ALCAM: variants seen among roughly 807,000 people sequenced by gnomAD.
ALCAM encodes activated leukocyte cell adhesion molecule.
ALCAM carries 30 observed loss-of-function variants against 70.9 expected under a neutral mutation model. The ratio of observed to expected loss-of-function variants is 0.42; its 90% CI spans 0.32 to 0.57. The LOEUF is 0.57. Ranked by LOEUF, ALCAM falls within the 20% of genes least tolerant of loss-of-function variation. The pLI is 0.11. For missense variants in ALCAM, 591 were observed against 695.1 expected, an observed-to-expected ratio of 0.85 and a Z score of 1.68; for synonymous variants, 249 against 242.5, an observed-to-expected ratio of 1.03 and a Z score of -0.25.
At chr3:105,556,812 A>C in intron 14 of ALCAM, among the ~76,000 whole-genome samples, 1 of 152,086 alleles carries the variant, frequency 6.6e-6, no homozygotes, top group East Asian at 1.9e-4. Context: ...TCCTCACTGA[A>C]TAAATTGAAA....
intron 1 of ALCAM, among the ~76,000 whole-genome samples, chr3:105,490,395 C>T (rs770162173): frequency 2.6e-5 from 4 of 152,088 alleles, no homozygotes; most frequent in Non-Finnish European, 4.4e-5. Flanking sequence ...TCCTTTGTAC[C>T]GCCGAATCCT....
At chr3:105,443,282 A>G (rs1292694139) in intron 1 of ALCAM, among the ~76,000 whole-genome samples, 2 of 152,158 alleles carry the variant, frequency 1.3e-5, no homozygotes, top group Non-Finnish European at 2.9e-5. Flanking sequence ...GCTAAATTAT[A>G]TATTTTTTCT....
At chr3:105,515,333 A>G (rs1939354405) in intron 1 of ALCAM, among the ~76,000 whole-genome samples, 1 of 152,050 alleles carries the variant, frequency 6.6e-6, no homozygotes, top group Admixed American at 6.6e-5. Flanking sequence ...GTGATTTAAT[A>G]TGTTTCTGTG....
chr3:105,382,955 T>G (rs1442015996), intron 1 of ALCAM, among the ~76,000 whole-genome samples: 1 of 151,870 alleles, frequency 6.6e-6, no homozygotes, highest in Non-Finnish European at 1.5e-5. Context: ...AAGTTTTTCT[T>G]ACATTTCTCA....
At chr3:105,526,131 C>T (rs904473537) in intron 3 of ALCAM, among the ~76,000 whole-genome samples, 2 of 152,032 alleles carry the variant, frequency 1.3e-5, no homozygotes, top group Non-Finnish European at 2.9e-5. Flanking sequence ...AGTCACAGCA[C>T]TCTAATGGTT....
At chr3:105,384,456 C>T (rs1457327575) in intron 1 of ALCAM, among the ~76,000 whole-genome samples, 1 of 151,126 alleles carries the variant, frequency 6.6e-6, no homozygotes, top group African/African-American at 2.4e-5. Flanking sequence ...ACTTTTGATC[C>T]TTCCCAGTCC....
At chr3:105,389,382 T>TG (rs1935746374) in intron 1 of ALCAM, among the ~76,000 whole-genome samples, 2 of 130,948 alleles carry the variant, frequency 1.5e-5, no homozygotes, top group South Asian at 2.6e-4. Flanking sequence ...TTTTTTTTTT[T>TG]TTTTTTTTTT....
intron 1 of ALCAM, among the ~76,000 whole-genome samples, chr3:105,408,200 A>C (rs1216406109): frequency 3.9e-5 from 3 of 77,154 alleles, no homozygotes; most frequent in Admixed American, 1.7e-4. Flanking sequence ...TCACAGAACT[A>C]GAAAAAAAAA....
chr3:105,490,962 T>C lies in ALCAM; in HGVS notation c.74-29105T>C, dbSNP rs1938567897. ...TGGAGTTCCAACTCCACATTTCCCT[T>C]CTGCACTGCCCTCGCAGAGGTTCTC... On this transcript the variant is annotated intron_variant, in intron 1 of 15. Coordinates refer to ENST00000306107, the MANE Select transcript of ALCAM (RefSeq NM_001627.4). 2.0e-5 allele frequency among the ~76,000 whole-genome samples: 3 copies of C among 152,204 alleles called. No individual in the cohort carries two copies. In the South Asian group the frequency reaches 6.2e-4, roughly 32 times the overall value.
intron 1 of ALCAM, among the ~76,000 whole-genome samples, chr3:105,425,069 C>G (rs1025312308): frequency 7.0e-6 from 1 of 141,902 alleles, no homozygotes; most frequent in Non-Finnish European, 1.6e-5. Flanking sequence ...TATTTTGATT[C>G]TCATTCTACA....
intron 6 of ALCAM, among the ~76,000 whole-genome samples, chr3:105,539,642 A>T (rs1254851500): frequency 1.3e-5 from 2 of 152,104 alleles, no homozygotes; most frequent in Non-Finnish European, 2.9e-5. Flanking sequence ...ATAATATATA[A>T]TTAAATTTCC....
chr3:105,430,131 A>G (rs1016995651), intron 1 of ALCAM, among the ~76,000 whole-genome samples: 6 of 152,022 alleles, frequency 3.9e-5, no homozygotes, highest in African/African-American at 1.2e-4. Context: ...ATATTTTTAA[A>G]TGTATAGAAA....
chr3:105,495,676 A>T (rs1342330358), intron 1 of ALCAM, among the ~76,000 whole-genome samples: 1 of 152,228 alleles, frequency 6.6e-6, no homozygotes, highest in Non-Finnish European at 1.5e-5. Context: ...CACAGCACGC[A>T]CTCAGAATCC....
intron 1 of ALCAM, among the ~76,000 whole-genome samples, chr3:105,467,248 G>A (rs1937768578): frequency 6.6e-6 from 1 of 151,210 alleles, no homozygotes; most frequent in Non-Finnish European, 1.5e-5. Context: ...GAACAGAAAT[G>A]TTTATCTAGT....
At chr3:105,510,464 C>A (rs1029047956) in intron 1 of ALCAM, among the ~76,000 whole-genome samples, 3 of 152,056 alleles carry the variant, frequency 2.0e-5, no homozygotes, top group Admixed American at 1.3e-4. Flanking sequence ...AGTTGGAGAT[C>A]TATGAGGAAC....
At chr3:105,367,575 C>T in intron 1 of ALCAM, 94 bp downstream of exon 1, 1 of 1,462,790 alleles carries the variant, frequency 6.8e-7, no homozygotes, top group Non-Finnish European at 9.5e-7. Context: ...AGGCAGTGCG[C>T]CCAGGCGCGT....
At chr3:105,434,216 A>G (rs1937000144) in intron 1 of ALCAM, among the ~76,000 whole-genome samples, 4 of 152,192 alleles carry the variant, frequency 2.6e-5, no homozygotes, top group Admixed American at 1.3e-4. Context: ...TTTTCATCCA[A>G]GAACTTCAAA....
chr3:105,450,185 T>C (rs886813411), intron 1 of ALCAM, among the ~76,000 whole-genome samples: 3 of 152,202 alleles, frequency 2.0e-5, no homozygotes, highest in Non-Finnish European at 4.4e-5. Context: ...ATGGTTGAGA[T>C]ACCCCAAGAC....
chr3:105,560,647 T>C (rs1345749758), intron 14 of ALCAM, among the ~76,000 whole-genome samples: 3 of 152,172 alleles, frequency 2.0e-5, no homozygotes, highest in Admixed American at 2.0e-4. Context: ...TGTTATCTCC[T>C]AGAAACTTCT....
Sources: gnomAD v4.1 joint callset for allele counts (sites outside exome capture counted in the v4.1 genomes callset) on GRCh38, gnomAD v4.1.1 for gene constraint, MANE v1.5 for transcripts, NCBI Gene and HGNC (gene_info 2026-07-23, HGNC 2026-07-21) for gene names.